CAMK2G: variants seen among roughly 807,000 people sequenced by gnomAD.
The protein encoded by CAMK2G is calcium/calmodulin-dependent protein kinase type II subunit gamma.
Under a neutral mutation model 88.7 loss-of-function variants are expected in CAMK2G, and 23 were observed. The ratio of observed to expected loss-of-function variants is 0.26; its 90% CI spans 0.19 to 0.37. The LOEUF (loss-of-function observed/expected upper bound fraction) is 0.37, where lower values mean the gene tolerates loss of function less well. CAMK2G is among the 10% of genes least tolerant of loss of function. The probability of loss-of-function intolerance (pLI) is 1.00; values close to 1 mark genes in which losing one functional copy is unlikely to be tolerated. For missense variants in CAMK2G, 476 were observed against 780.8 expected, an observed-to-expected ratio of 0.61 and a Z score of 4.65; for synonymous variants, 263 against 294.8, an observed-to-expected ratio of 0.89 and a Z score of 1.11.
intron 21 of CAMK2G, chr10:73,816,064 GACTA>G (rs1378861047): frequency 1.0e-6 from 1 of 985,250 alleles, no homozygotes; most frequent in Non-Finnish European, 1.2e-6. Flanking sequence ...AGAAGTTAGT[GACTA>G]ACTATAACTC....
intron 5 of CAMK2G, among the ~76,000 whole-genome samples, chr10:73,849,876 G>C (rs2094499382): frequency 6.6e-6 from 1 of 152,206 alleles, no homozygotes; most frequent in Non-Finnish European, 1.5e-5. Context: ...CTGGCATCCA[G>C]TAAGGCAGCT....
Position 73,854,762 on chromosome 10 carries a change from G to C in CAMK2G, c.221-1516C>G, listed in dbSNP as rs537195617. On this transcript the variant is annotated intron_variant, in intron 3 of 22. Transcript: ENST00000423381. ...CAAAGTATACAACCCAGCCGGCACA[G>C]TCCCGAGGCACTGAACCACCACTAT... 2.6e-5 allele frequency among the ~76,000 whole-genome samples: 4 copies of C among 152,278 alleles called. No individual in the cohort carries two copies. In the South Asian group the frequency reaches 8.3e-4, roughly 32 times the overall value.
chr10:73,828,233 G>C, intron 14 of CAMK2G, 112 bp from the exon 15 acceptor site: 1 of 853,628 alleles, frequency 1.2e-6, no homozygotes, highest in Non-Finnish European at 2.0e-6. Context: ...AGGGAGAAAA[G>C]AGCGGAGGGA....
chr10:73,868,359 G>C (rs1049782983), intron 2 of CAMK2G, among the ~76,000 whole-genome samples: 1 of 152,146 alleles, frequency 6.6e-6, no homozygotes, highest in African/African-American at 2.4e-5. Context: ...AGTCACTCTA[G>C]GAAGACAGGT....
chr10:73,826,732 G>A (rs2091064467), intron 15 of CAMK2G, among the ~76,000 whole-genome samples: 1 of 152,202 alleles, frequency 6.6e-6, no homozygotes, highest in African/African-American at 2.4e-5. Context: ...CAGCTAGAAT[G>A]TGTGTCTTCT....
chr10:73,842,339 G>T lies in CAMK2G; in HGVS notation c.903+119C>A. 8.7e-7 allele frequency: 1 copy of T among 1,150,390 alleles called. No individual in the cohort carries two copies. Among genetic ancestry groups the T allele is most frequent in the Non-Finnish European group, 1.3e-6 (1 of 759,102 alleles). 71.3% of individuals were successfully genotyped at this position (1,150,390 alleles called of 1,614,324 possible). On this transcript the variant is annotated intron_variant, in intron 11 of 22. Coordinates refer to ENST00000423381, the MANE Select transcript of CAMK2G (RefSeq NM_001367534.1). This position sits in a 1 kb window ranked among gnomAD's most constrained non-coding sequence, Gnocchi z 4.6. ...CTCTGGGCCCCCTCCCCTGTGACAT[G>T]TACAACCTTCAGAGCCCAGCTCCAG...
At chr10:73,871,216 G>A (rs1177840410) in intron 2 of CAMK2G, among the ~76,000 whole-genome samples, 2 of 152,116 alleles carry the variant, frequency 1.3e-5, no homozygotes, top group African/African-American at 4.8e-5. Flanking sequence ...TTTGGCCAGG[G>A]AAAGATATCC....
At chr10:73,846,572 A>C in intron 10 of CAMK2G, 1 of 152,252 alleles carries the variant, frequency 6.6e-6, no homozygotes, top group Admixed American at 6.5e-5. Flanking sequence ...TCCAGCACCC[A>C]GACGGTAACC....
At chr10:73,867,099 G>T (rs924762258) in intron 2 of CAMK2G, among the ~76,000 whole-genome samples, 1 of 152,130 alleles carries the variant, frequency 6.6e-6, no homozygotes, top group African/African-American at 2.4e-5. Flanking sequence ...GCCTGAAATG[G>T]TCCCATGTGA....
At chr10:73,838,724 T>C (rs750742787) in intron 13 of CAMK2G, among the ~76,000 whole-genome samples, 43 of 152,224 alleles carry the variant, frequency 2.8e-4, no homozygotes, top group Middle Eastern at 3.2e-3. Flanking sequence ...TGCTGACTCC[T>C]GTGCCTGACC....
At position 73,848,544 on chromosome 10, in the gene CAMK2G, C is replaced by T; in HGVS notation, c.583G>A (p.Val195Met). The change falls in exon 8 of 23, where the codon GTG becomes ATG. Residue 195 changes from valine (V) to methionine (M), a missense_variant. Physicochemically the swap from Val to Met is conservative, Grantham distance 21. Transcript: ENST00000423381. This position sits in a 1 kb window ranked among gnomAD's most constrained non-coding sequence, Gnocchi z 4.5. ...VLRKDPYGKP[V>M]DIWACGVILY... ...GGCTTACCGCAGGCCCAGATATCCA[C>T]AGGTTTTCCATAGGGATCTTTCCTC... The T allele has an allele frequency of 6.2e-7, 1 of 1,612,528 alleles. No homozygotes were observed. Among genetic ancestry groups the T allele is most frequent in the Non-Finnish European group, 8.5e-7 (1 of 1,178,996 alleles).
intron 3 of CAMK2G, among the ~76,000 whole-genome samples, chr10:73,858,733 AAAAGT>A (rs1477044095): frequency 6.6e-6 from 1 of 152,232 alleles, no homozygotes; most frequent in Non-Finnish European, 1.5e-5. Context: ...GGCAGATGGT[AAAAGT>A]AAAGGGCTAC....
intron 21 of CAMK2G, chr10:73,816,091 G>T: frequency 5.1e-6 from 5 of 985,532 alleles, no homozygotes; most frequent in Non-Finnish European, 6.0e-6. Flanking sequence ...GGCAGGATAG[G>T]GAAGGCCCAG....
Position 73,849,035 on chromosome 10 carries a change from C to T in CAMK2G, c.495G>A (p.Gln165=), listed in dbSNP as rs374768666. 2 of 1,612,482 alleles carry T rather than the reference C, an allele frequency of 1.2e-6. No individual in the cohort carries two copies. Among genetic ancestry groups the T allele is most frequent in the African/African-American group, 1.3e-5 (1 of 74,904 alleles). ...TACCAAACCAAGCCTGCTGCTCTCC[C>T]TGTACTTCGATGGCTAGGCCAAAAT... ...LADFGLAIEV[Q]GEQQAWFGFA... Residue 165 remains glutamine, a synonymous_variant, in exon 7 of 23, where the codon CAG becomes CAA. Transcript: ENST00000423381.
chr10:73,832,809 G>C (rs1430345014), intron 14 of CAMK2G, among the ~76,000 whole-genome samples: 1 of 151,822 alleles, frequency 6.6e-6, no homozygotes, highest in African/African-American at 2.4e-5. Context: ...TAAGAGTTGG[G>C]GGTCTCACTA....
chr10:73,822,087 G>C (rs2089073672), intron 17 of CAMK2G, among the ~76,000 whole-genome samples: 1 of 152,162 alleles, frequency 6.6e-6, no homozygotes, highest in South Asian at 2.1e-4. Flanking sequence ...GCTACAACCT[G>C]ACTCCAGGCC....
chr10:73,833,905 C>T (rs1304788207), intron 14 of CAMK2G, among the ~76,000 whole-genome samples: 1 of 113,664 alleles, frequency 8.8e-6, no homozygotes, highest in Non-Finnish European at 1.7e-5. Flanking sequence ...AGCCTATCTA[C>T]TGGGTTTTTT....
chr10:73,822,625 A>G (rs2089352225), intron 17 of CAMK2G, among the ~76,000 whole-genome samples: 1 of 151,718 alleles, frequency 6.6e-6, no homozygotes, highest in African/African-American at 2.4e-5. Context: ...TGCTTCTCCA[A>G]CCTCATCACT....
intron 2 of CAMK2G, among the ~76,000 whole-genome samples, chr10:73,861,528 G>A (rs1162141947): frequency 3.9e-4 from 60 of 152,268 alleles, no homozygotes; most frequent in Non-Finnish European, 7.4e-5. Context: ...GCTAATTTTT[G>A]TATTTTTAGT....
Sources: gnomAD v4.1 joint callset for allele counts (sites outside exome capture counted in the v4.1 genomes callset) on GRCh38, gnomAD v4.1.1 for gene constraint, Gnocchi (gnomAD v3.1) non-coding constraint, MANE v1.5 for transcripts, NCBI Gene and HGNC (gene_info 2026-07-23, HGNC 2026-07-21) for gene names.